Variants in CHD1 observed in about 807,000 individuals in gnomAD.
CHD1 encodes ATP-dependent chromatin remodeler CHD1.
Under a neutral mutation model 224.2 loss-of-function variants are expected in CHD1, and 36 were observed. The observed-to-expected ratio is 0.16, with a 90% CI of 0.12 to 0.21. The LOEUF is 0.21. Ranked by LOEUF, CHD1 falls within the 10% of genes least tolerant of loss-of-function variation. The pLI is 1.00. For missense variants in CHD1, 1,378 were observed against 1,994.8 expected (o/e 0.69, Z 5.89); for synonymous variants, 668 against 658.3 (o/e 1.01, Z -0.23).
Position 98,900,911 on chromosome 5 carries a change from A to T in CHD1, c.759T>A (p.Asp253Glu). ...KEDEEMKTDS[D>E]DLLEVCGEDV... ...CCTCTCCACAGACTTCCAGTAGGTCATCAGAATCTGTTTTCATTTCTTCAT... is the reference window on the plus strand; with the variant it reads ...CCTCTCCACAGACTTCCAGTAGGTCTTCAGAATCTGTTTTCATTTCTTCAT... The change falls in exon 7 of 36, where the codon GAT becomes GAA. Residue 253 changes from aspartate (D) to glutamate (E), a missense_variant. By Grantham distance (45) the Asp-to-Glu change is conservative (BLOSUM62 2). Around this residue, in one of 16 missense-constraint regions of CHD1, gnomAD observed 306 missense variants for 298.1 expected, o/e 1.03. Transcript: ENST00000614616. 6.2e-7 allele frequency: 1 copy of T among 1,614,102 alleles called. No homozygotes were observed. Among genetic ancestry groups the T allele is most frequent in the Non-Finnish European group, 8.5e-7 (1 of 1,179,970 alleles).
intron 24 of CHD1, 37 bp downstream of exon 24, chr5:98,876,361 A>G: frequency 6.3e-7 from 1 of 1,597,414 alleles, no homozygotes; most frequent in Non-Finnish European, 8.6e-7. Flanking sequence ...ACACTCTACT[A>G]AAACCAAGTT....
intron 3 of CHD1, among the ~76,000 whole-genome samples, 168 bp downstream of exon 3, chr5:98,904,729 A>G (rs1230346059): frequency 6.6e-6 from 1 of 152,248 alleles, no homozygotes; most frequent in African/African-American, 2.4e-5. Flanking sequence ...TTCCAAGCCA[A>G]TTAGTCCACA....
intron 2 of CHD1, among the ~76,000 whole-genome samples, chr5:98,918,015 T>C (rs967486704): frequency 3.3e-5 from 5 of 152,032 alleles, no homozygotes; most frequent in Admixed American, 6.6e-5. Context: ...TCTGCTATGC[T>C]TCCTTTTTTT....
In CHD1 at chr5:98,870,698, G is replaced by C; in HGVS notation, c.3967C>G (p.Leu1323Val). The C allele has an allele frequency of 6.3e-7, 1 of 1,593,748 alleles. No homozygotes were observed. The highest frequency in any genetic ancestry group is 8.6e-7 in the Non-Finnish European group (1 of 1,168,672). The change falls in exon 29 of 36, where the codon CTT (leucine) becomes GTT (valine). Residue 1323 changes from leucine to valine, a missense_variant. Physicochemically the swap from Leu to Val is conservative, Grantham distance 32. Around this residue, in one of 16 missense-constraint regions of CHD1, gnomAD observed 105 missense variants for 93.4 expected, o/e 1.12. Coordinates refer to ENST00000614616, the MANE Select transcript of CHD1 (RefSeq NM_001270.4). ...LSRDLAKKEA[L>V]SGAGSSKRRK... ...GGGCTTTAACTTACCGCACCAGAAA[G>C]AGCTTCTTTTTTTGCAAGATCTCTA...
chr5:98,869,841 T>C lies in CHD1; in HGVS notation c.4020A>G (p.Lys1340=). 6.2e-7 allele frequency: 1 copy of C among 1,608,554 alleles called. No homozygotes were observed. Among genetic ancestry groups the C allele is most frequent in the Admixed American group, 1.7e-5 (1 of 59,966 alleles). ...CTTTCACTTTTATAGACTTCATTGC[T>C]TTATTCTTCTTAGCTCTTGCTTTTC... is the stretch of plus-strand genomic sequence containing the variant. ...KRRKARAKKN[K]AMKSIKVKEE... is the part of the protein sequence containing the mutation. The change falls in exon 30 of 36, where the codon AAA becomes AAG. Residue 1340 remains lysine, a synonymous_variant. Coordinates refer to ENST00000614616, the MANE Select transcript of CHD1 (RefSeq NM_001270.4).
intron 11 of CHD1, among the ~76,000 whole-genome samples, chr5:98,896,821 C>T (rs1479256394): frequency 1.4e-5 from 2 of 145,638 alleles, no homozygotes; most frequent in Non-Finnish European, 3.0e-5. Flanking sequence ...AAATTGCAAC[C>T]GAGATTCACA....
intron 32 of CHD1, among the ~76,000 whole-genome samples, chr5:98,861,453 C>A (rs990472000): frequency 2.0e-5 from 3 of 152,042 alleles, no homozygotes; most frequent in African/African-American, 7.2e-5. Flanking sequence ...AAGCAAAAAA[C>A]AAAAAGATCA....
At position 98,890,731 on chromosome 5, in the gene CHD1, T is replaced by C. The variant is rs190511945; in HGVS notation, c.2181-1493A>G. ...TTCTCATAATTATTAATTTGAATAT[T>C]ATCAAGCACCTACATCTACCTACCA... On this transcript the variant is annotated intron_variant, in intron 15 of 35. Coordinates refer to ENST00000614616, the MANE Select transcript of CHD1 (RefSeq NM_001270.4). 2.0e-5 allele frequency among the ~76,000 whole-genome samples: 3 copies of C among 152,314 alleles called. No individual in the cohort carries two copies. In the East Asian group the frequency reaches 5.8e-4, roughly 29 times the overall value.
At chr5:98,859,724 G>A (rs1050055198) in intron 33 of CHD1, among the ~76,000 whole-genome samples, 1 of 152,026 alleles carries the variant, frequency 6.6e-6, no homozygotes, top group African/African-American at 2.4e-5. Flanking sequence ...TCTCTATAAA[G>A]TTATTATTTT....
At chr5:98,863,768 T>C (rs1239319239) in intron 31 of CHD1, among the ~76,000 whole-genome samples, 182 bp from the exon 32 acceptor site, 2 of 152,170 alleles carry the variant, frequency 1.3e-5, no homozygotes, top group Non-Finnish European at 2.9e-5. Flanking sequence ...TTAGATTTTC[T>C]TCAGGAGAGC....
At chr5:98,866,547 A>G (rs1048155006) in intron 31 of CHD1, among the ~76,000 whole-genome samples, 34 of 152,216 alleles carry the variant, frequency 2.2e-4, no homozygotes, top group African/African-American at 7.7e-4. Flanking sequence ...TAGAAGGTGA[A>G]ATTTTCCCTC....
At chr5:98,880,928 C>T in intron 22 of CHD1, 148 bp downstream of exon 22, 1 of 623,146 alleles carries the variant, frequency 1.6e-6, no homozygotes, top group Non-Finnish European at 2.8e-6. Flanking sequence ...CAGTTTGCTA[C>T]TGGTTTGTCT....
intron 23 of CHD1, among the ~76,000 whole-genome samples, chr5:98,878,036 G>T (rs1423766932): frequency 6.6e-6 from 1 of 152,202 alleles, no homozygotes; most frequent in African/African-American, 2.4e-5. Context: ...GAAGAACACA[G>T]GTGACAGAAA....
rs1012257065 is a variant in CHD1, at chr5:98,853,996, ATTAT to A, written c.*2380_*2383del. Reference sequence around the variant, plus strand: ...AAACAGGCTATTGCTTTTAGTAAGAATTATTTATTGTATAAAAGTGGAAGGTTAA... The same window carrying A: ...AAACAGGCTATTGCTTTTAGTAAGAATTATTGTATAAAAGTGGAAGGTTAA... On this transcript the variant is annotated 3_prime_UTR_variant, in exon 36 of 36. Coordinates refer to ENST00000614616, the MANE Select transcript of CHD1 (RefSeq NM_001270.4). 5.0e-4 allele frequency: 76 copies of A among 152,170 alleles called. No homozygotes were observed. Among genetic ancestry groups the A allele is most frequent in the African/African-American group, 1.8e-3 (74 of 41,572 alleles). The allele number at this position is 152,170 out of a possible 1,614,324, so 9.4% of individuals were successfully genotyped here.
chr5:98,868,800 T>C, intron 30 of CHD1, 165 bp from the exon 31 acceptor site: 1 of 753,016 alleles, frequency 1.3e-6, no homozygotes, highest in Non-Finnish European at 2.0e-6. Context: ...CAATTTTATT[T>C]GGGGAAACAA....
intron 20 of CHD1, 137 bp from the exon 21 acceptor site, chr5:98,881,512 C>CTT (rs375349850): frequency 1.8e-3 from 810 of 442,734 alleles, no homozygotes; most frequent in South Asian, 2.3e-3. Flanking sequence ...TATTAGAATC[C>CTT]TTTTTTTTTT....
intron 31 of CHD1, among the ~76,000 whole-genome samples, chr5:98,866,741 G>A: frequency 6.6e-6 from 1 of 152,044 alleles, no homozygotes; most frequent in East Asian, 1.9e-4. Flanking sequence ...ATATAAACAT[G>A]ACACATCTAT....
At chr5:98,869,622 GCACACA>G (rs113502266) in intron 30 of CHD1, 126 bp downstream of exon 30, 363 of 717,942 alleles carry the variant, frequency 5.1e-4, no homozygotes, top group African/African-American at 2.6e-3. Flanking sequence ...ACGTGCGCGC[GCACACA>G]CACACACACA....
intron 2 of CHD1, among the ~76,000 whole-genome samples, chr5:98,911,146 A>AAAAAATATATAT (rs1491111295): frequency 1.5e-4 from 6 of 39,142 alleles, no homozygotes; most frequent in African/African-American, 2.4e-4. Context: ...AAAAAAAAAA[A>AAAAAATATATAT]ATATATATAT....
Sources: gnomAD v4.1 joint callset for allele counts (sites outside exome capture counted in the v4.1 genomes callset) on GRCh38, gnomAD v4.1.1 for gene constraint, gnomAD v4.1.1 regional missense constraint, MANE v1.5 for transcripts, NCBI Gene and HGNC (gene_info 2026-07-23, HGNC 2026-07-21) for gene names.